PALS2: variants seen among roughly 807,000 people sequenced by gnomAD.
The protein encoded by PALS2 is protein PALS2.
PALS2 carries 27 observed loss-of-function variants against 61.6 expected under a neutral mutation model. The observed-to-expected ratio is 0.44, with a 90% CI of 0.32 to 0.60. The LOEUF is 0.60. Among genes scored for constraint, PALS2 ranks in the 20% least tolerant of loss-of-function variants. PALS2 has a pLI of 0.05. For missense variants in PALS2, 554 were observed against 639.4 expected (o/e 0.87, Z 1.44); for synonymous variants, 236 against 218.6 (o/e 1.08, Z -0.70).
At chr7:24,586,005 C>T (rs1390977704) in intron 1 of PALS2, among the ~76,000 whole-genome samples, 1 of 152,170 alleles carries the variant, frequency 6.6e-6, no homozygotes, top group African/African-American at 2.4e-5. Context: ...ATTTGTTACT[C>T]TCCAGGGAAA....
chr7:24,643,729 C>T (rs1197630855), intron 3 of PALS2, among the ~76,000 whole-genome samples: 2 of 152,084 alleles, frequency 1.3e-5, no homozygotes, highest in Non-Finnish European at 2.9e-5. Context: ...GAATGTTCCA[C>T]CCCCGGATTT....
chr7:24,606,112 A>C (rs1326315244), intron 1 of PALS2, among the ~76,000 whole-genome samples: 1 of 152,162 alleles, frequency 6.6e-6, no homozygotes, highest in Non-Finnish European at 1.5e-5. Flanking sequence ...TGTCACATTC[A>C]ATAATATCTT....
At chr7:24,646,595 A>G (rs549496811) in intron 3 of PALS2, among the ~76,000 whole-genome samples, 2 of 152,256 alleles carry the variant, frequency 1.3e-5, no homozygotes, top group South Asian at 4.1e-4. Context: ...TTTGTCAAGG[A>G]TATTGGCCTA....
intron 2 of PALS2, among the ~76,000 whole-genome samples, chr7:24,637,137 T>C (rs1416794467): frequency 6.6e-6 from 1 of 152,120 alleles, no homozygotes; most frequent in Non-Finnish European, 1.5e-5. Flanking sequence ...TCTACAGATA[T>C]ATCTAAGAGA....
chr7:24,651,758 T>C (rs758016026), intron 5 of PALS2, among the ~76,000 whole-genome samples: 7 of 152,246 alleles, frequency 4.6e-5, no homozygotes, highest in African/African-American at 7.2e-5. Flanking sequence ...AATGAAATTA[T>C]AAGTTTTCTT....
chr7:24,583,257 TG>T (rs1378368812), intron 1 of PALS2, among the ~76,000 whole-genome samples: 2 of 151,918 alleles, frequency 1.3e-5, no homozygotes, highest in Non-Finnish European at 2.9e-5. Context: ...TCTTTTGGAA[TG>T]GAGGTCAGTA....
At chr7:24,622,998 C>T (rs918674869) in intron 1 of PALS2, among the ~76,000 whole-genome samples, 2 of 151,888 alleles carry the variant, frequency 1.3e-5, no homozygotes, top group African/African-American at 2.4e-5. Flanking sequence ...TTGAACCACT[C>T]GTTCATTCCT....
At chr7:24,658,170 T>C (rs188720677) in intron 5 of PALS2, among the ~76,000 whole-genome samples, 8 of 152,224 alleles carry the variant, frequency 5.3e-5, no homozygotes, top group Non-Finnish European at 7.3e-5. Flanking sequence ...TTTTCAAGTT[T>C]ACTAATCTTT....
intron 2 of PALS2, among the ~76,000 whole-genome samples, chr7:24,629,510 G>T (rs1355070285): frequency 6.6e-6 from 1 of 152,160 alleles, no homozygotes; most frequent in Non-Finnish European, 1.5e-5. Flanking sequence ...AAGAGCTTCT[G>T]CACAACAAAA....
intron 3 of PALS2, among the ~76,000 whole-genome samples, chr7:24,648,138 A>C (rs1159215487): frequency 6.6e-6 from 1 of 152,180 alleles, no homozygotes; most frequent in East Asian, 1.9e-4. Context: ...ACCAGAAATT[A>C]CCAATTATCC....
chr7:24,647,986 C>T (rs1370191550), intron 3 of PALS2, among the ~76,000 whole-genome samples: 2 of 152,018 alleles, frequency 1.3e-5, no homozygotes, highest in Non-Finnish European at 2.9e-5. Context: ...AATGAAACTG[C>T]CAAAGGAGGA....
intron 3 of PALS2, among the ~76,000 whole-genome samples, chr7:24,646,478 G>A (rs995703450): frequency 3.3e-5 from 5 of 152,090 alleles, no homozygotes; most frequent in African/African-American, 1.2e-4. Context: ...ATGTTGAACA[G>A]ACCTTGCATT....
At chr7:24,592,730 T>G (rs770553917) in intron 1 of PALS2, among the ~76,000 whole-genome samples, 18 of 152,140 alleles carry the variant, frequency 1.2e-4, no homozygotes, top group Non-Finnish European at 2.4e-4. Context: ...CACTGTAGAT[T>G]ATTAAGTATA....
intron 5 of PALS2, among the ~76,000 whole-genome samples, chr7:24,662,010 A>G (rs1173794656): frequency 1.3e-5 from 2 of 152,134 alleles, no homozygotes; most frequent in Non-Finnish European, 2.9e-5. Context: ...GCTGCATGAC[A>G]TTATCAAGTT....
intron 5 of PALS2, among the ~76,000 whole-genome samples, chr7:24,656,686 C>G (rs1490700329): frequency 6.6e-6 from 1 of 151,770 alleles, no homozygotes; most frequent in Non-Finnish European, 1.5e-5. Flanking sequence ...CCACACCCGG[C>G]TAATATTTGT....
chr7:24,680,262 A>G lies in PALS2; in HGVS notation c.1318-130A>G, dbSNP rs139160005. On this transcript the variant is annotated intron_variant, in intron 10 of 11. Coordinates refer to ENST00000222644, the MANE Select transcript of PALS2 (RefSeq NM_001303037.2). ...CTATATGGAATGAGAAGGACAGAAC[A>G]GGGATAAGTATTAAGTTATGTCCTT... The G allele has an allele frequency of 1.3e-3, 1,094 of 849,404 alleles. 6 individuals carry two copies. The highest frequency in any genetic ancestry group is 0.013 in the African/African-American group (749 of 58,314). The allele number at this position is 849,404 out of a possible 1,614,324, so 52.6% of individuals were successfully genotyped here. A position where few individuals can be genotyped will look rare whatever the true frequency, so the allele number is the denominator to read the frequency against.
At chr7:24,684,040 C>A (rs903177324) in intron 11 of PALS2, among the ~76,000 whole-genome samples, 1 of 152,074 alleles carries the variant, frequency 6.6e-6, no homozygotes, top group African/African-American at 2.4e-5. Flanking sequence ...TGTGAACAGT[C>A]CCCCCAACTG....
At chr7:24,622,903 G>A (rs1784580527) in intron 1 of PALS2, among the ~76,000 whole-genome samples, 1 of 151,504 alleles carries the variant, frequency 6.6e-6, no homozygotes, top group Admixed American at 6.6e-5. Context: ...AGAGTTTTGG[G>A]TTTTGTCTAA....
At chr7:24,633,362 T>C (rs1017580144) in intron 2 of PALS2, among the ~76,000 whole-genome samples, 59 of 150,884 alleles carry the variant, frequency 3.9e-4, no homozygotes, top group African/African-American at 1.3e-3. Context: ...TTTTTTTTTT[T>C]TTTTTTTCTT....
Sources: allele counts gnomAD v4.1 joint callset (sites outside exome capture counted in the v4.1 genomes callset), GRCh38; gene constraint gnomAD v4.1.1; transcripts MANE v1.5; gene names NCBI Gene and HGNC (gene_info 2026-07-23, HGNC 2026-07-21).